DACT2: variants seen among roughly 807,000 people sequenced by gnomAD.
The protein encoded by DACT2 is dapper homolog 2.
DACT2 carries 20 observed loss-of-function variants against 22.2 expected under a neutral mutation model. The ratio of observed to expected loss-of-function variants is 0.90; its 90% CI spans 0.63 to 1.31. DACT2 has a LOEUF of 1.31. DACT2 is among the 50% of genes most tolerant of loss of function. The pLI is 0.00. For missense variants in DACT2, 1,048 were observed against 1,061.4 expected, an observed-to-expected ratio of 0.99 and a Z score of 0.18; for synonymous variants, 463 against 479.8, an observed-to-expected ratio of 0.96 and a Z score of 0.46.
chr6:168,319,034 G>A (rs1362905507), intron 1 of DACT2, among the ~76,000 whole-genome samples: 2 of 152,136 alleles, frequency 1.3e-5, no homozygotes, highest in Non-Finnish European at 2.9e-5. Context: ...ACGCCGGTCA[G>A]TGCCTGCAGG....
rs1047665724 is a variant in DACT2, at chr6:168,314,809, C to G, written c.247-3525G>C. Among the ~76,000 whole-genome samples the G allele has an allele frequency of 2.0e-5, 3 of 152,282 alleles. No homozygotes were observed. The East Asian group carries it at 5.8e-4, about 29-fold the overall frequency. ...TTCTATGCCTGAATTCCAAGGCTAT[C>G]CCCTCCATTCAGGAGAGAGGTAAAT... is the stretch of plus-strand genomic sequence containing the variant. On this transcript the variant is annotated intron_variant, in intron 1 of 3. Transcript: ENST00000366795.
rs982666299 is a variant in DACT2, at chr6:168,307,974, C to A, written c.1783G>T (p.Ala595Ser). The A allele has an allele frequency of 1.9e-6, 3 of 1,551,032 alleles. No homozygotes were observed. Among genetic ancestry groups the A allele is most frequent in the African/African-American group, 1.4e-5 (1 of 73,064 alleles). ...TSAQALFPFE[A>S]SLLTSVARRK... Reference sequence around the variant, plus strand: ...CTGGCCACTGAGGTGAGCAGTGACGCCTCAAAGGGGAACAGGGCTTGGGCT... The same window carrying A: ...CTGGCCACTGAGGTGAGCAGTGACGACTCAAAGGGGAACAGGGCTTGGGCT... The change falls in exon 4 of 4, where the codon GCG becomes TCG. Residue 595 changes from alanine to serine, a missense_variant. Ala to Ser is a moderately conservative substitution (Grantham distance 99, BLOSUM62 1). Transcript: ENST00000366795. This position sits in a 1 kb window ranked among gnomAD's most constrained non-coding sequence, Gnocchi z 5.3.
At position 168,307,251 on chromosome 6, in the gene DACT2, G is replaced by A. The variant is rs1022585565; in HGVS notation, c.*181C>T. On this transcript the variant is annotated 3_prime_UTR_variant, in exon 4 of 4. Transcript: ENST00000366795. The surrounding 1 kb of genome is among the most constrained non-coding windows in gnomAD (Gnocchi z 5.3). ...GAGCTCCGCATGGAAGTCTTTGCTG[G>A]GGCGGGGACTCACGGCCATACTCCA... The A allele has an allele frequency of 6.4e-6, 9 of 1,415,856 alleles. No individual in the cohort carries two copies. The African/African-American group carries it at 1.4e-4, about 22-fold the overall frequency. The allele number at this position is 1,415,856 out of a possible 1,614,324, so 87.7% of individuals were successfully genotyped here.
At chr6:168,306,833 C>T (rs76095934), downstream of DACT2, 199 of 961,436 alleles carry the variant, frequency 2.1e-4, 1 homozygote, top group African/African-American at 3.3e-3. Flanking sequence ...TGGCACGTGC[C>T]CTGTGATGGG....
chr6:168,301,924 C>G (rs184326171), downstream of DACT2, among the ~76,000 whole-genome samples: 330 of 152,338 alleles, frequency 2.2e-3, no homozygotes, highest in Middle Eastern at 3.4e-3. Flanking sequence ...GCTTCATTCC[C>G]GGCTCCGGGC....
At chr6:168,304,059 C>T (rs563105777), downstream of DACT2, among the ~76,000 whole-genome samples, 28 of 152,210 alleles carry the variant, frequency 1.8e-4, 1 homozygote, top group South Asian at 5.2e-3. Flanking sequence ...CTAAAGACCC[C>T]GGAAGTCAAA....
downstream of DACT2, among the ~76,000 whole-genome samples, chr6:168,306,445 C>T (rs560158803): frequency 5.5e-4 from 82 of 149,280 alleles, no homozygotes; most frequent in Admixed American, 1.1e-3. Context: ...TTTATGCCCC[C>T]TCTTTTTTTT....
downstream of DACT2, among the ~76,000 whole-genome samples, chr6:168,305,618 A>C (rs909149356): frequency 1.1e-4 from 17 of 152,164 alleles, no homozygotes; most frequent in African/African-American, 3.9e-4. Context: ...GTAGCTACAA[A>C]AACATGCGTG....
At chr6:168,298,009 A>G (rs966779429) in intron 3 of DACT2, 44 of 152,268 alleles carry the variant, frequency 2.9e-4, no homozygotes, top group Admixed American at 2.8e-3. Context: ...CAAAGAGCTC[A>G]GTAAATATTC....
Position 168,319,587 on chromosome 6 carries a change from C to G in DACT2, c.47G>C (p.Arg16Pro). ...GPPGSAGWDR[R>P]RLGARLRAAF... ...CGCGCGCAACCTCGCGCCCAACCTA[C>G]GGCGGTCCCAGCCCGCGGACCCCGG... Residue 16 changes from arginine to proline, a missense_variant, in exon 1 of 4, where the codon CGT becomes CCT. By Grantham distance (103) the Arg-to-Pro change is moderately radical. Coordinates refer to ENST00000366795, the MANE Select transcript of DACT2 (RefSeq NM_214462.5). 2.9e-6 allele frequency: 4 copies of G among 1,365,544 alleles called. No individual in the cohort carries two copies. Among genetic ancestry groups the G allele is most frequent in the Non-Finnish European group, 3.8e-6 (4 of 1,052,294 alleles). 84.6% of individuals were successfully genotyped at this position (1,365,544 alleles called of 1,614,324 possible). A position where few individuals can be genotyped will look rare whatever the true frequency, so the allele number is the denominator to read the frequency against.
intron 2 of DACT2, 139 bp downstream of exon 2, chr6:168,311,013 C>T (rs973523208): frequency 2.2e-5 from 25 of 1,147,558 alleles, no homozygotes; most frequent in Middle Eastern, 3.0e-4. Flanking sequence ...ATCAGCCTGA[C>T]GAAGCGGCCA....
intron 3 of DACT2, among the ~76,000 whole-genome samples, chr6:168,309,637 C>T (rs1345507469): frequency 6.6e-6 from 1 of 152,224 alleles, no homozygotes; most frequent in Admixed American, 6.5e-5. Context: ...AGGCCAGGGG[C>T]ATGAAGCTGG....
chr6:168,305,778 T>C (rs755045641), downstream of DACT2, among the ~76,000 whole-genome samples: 1 of 152,206 alleles, frequency 6.6e-6, no homozygotes, highest in Non-Finnish European at 1.5e-5. Context: ...GAATTAACTT[T>C]TACAATAACA....
Position 168,319,387 on chromosome 6 carries a change from C to G in DACT2, c.246+1G>C, listed in dbSNP as rs1779589867. The G allele has an allele frequency of 8.3e-7, 1 of 1,200,476 alleles. No individual in the cohort carries two copies. Among genetic ancestry groups the G allele is most frequent in the South Asian group, 4.2e-5 (1 of 23,808 alleles). The allele number at this position is 1,200,476 out of a possible 1,614,324, so 74.4% of individuals were successfully genotyped here. A position where few individuals can be genotyped will look rare whatever the true frequency, so the allele number is the denominator to read the frequency against. On this transcript the variant is annotated splice_donor_variant, in intron 1 of 3. Coordinates refer to ENST00000366795, the MANE Select transcript of DACT2 (RefSeq NM_214462.5). LOFTEE classifies it high-confidence loss of function. ...CCCGAGTCCCGGCGCCCGGTCCTTA[C>G]CAGCTGCTCCTGCAGCGCGGCCAGC... is the stretch of plus-strand genomic sequence containing the variant.
downstream of DACT2, among the ~76,000 whole-genome samples, chr6:168,305,995 CA>C (rs1210519568): frequency 4.6e-5 from 7 of 152,198 alleles, no homozygotes; most frequent in African/African-American, 1.7e-4. Context: ...GCACAGAGAA[CA>C]GACCCTGCCT....
chr6:168,314,564 T>C (rs1331015755), intron 1 of DACT2, among the ~76,000 whole-genome samples: 2 of 152,130 alleles, frequency 1.3e-5, no homozygotes, highest in East Asian at 3.9e-4. Context: ...AATAAGTTAA[T>C]CCCTTTCTTT....
intron 3 of DACT2, among the ~76,000 whole-genome samples, chr6:168,301,115 C>T (rs1488038465): frequency 6.6e-6 from 1 of 152,228 alleles, no homozygotes; most frequent in East Asian, 1.9e-4. Context: ...CCCGTTGTTG[C>T]TGTCGCCTGT....
At chr6:168,300,768 C>T (rs558134562) in intron 3 of DACT2, among the ~76,000 whole-genome samples, 7 of 152,040 alleles carry the variant, frequency 4.6e-5, no homozygotes, top group Admixed American at 1.3e-4. Flanking sequence ...GGGTGGATTA[C>T]GAGGTCAGGA....
downstream of DACT2, chr6:168,301,945 C>G (rs1280398317): frequency 6.5e-6 from 1 of 152,874 alleles, no homozygotes; most frequent in Non-Finnish European, 1.5e-5. Flanking sequence ...CCGCTCTTCT[C>G]CCTGGATTGC....
Sources: allele counts gnomAD v4.1 joint callset (sites outside exome capture counted in the v4.1 genomes callset), GRCh38; gene constraint gnomAD v4.1.1; non-coding constraint Gnocchi (gnomAD v3.1); transcripts MANE v1.5; gene names NCBI Gene and HGNC (gene_info 2026-07-23, HGNC 2026-07-21).